DPYSL5: variants seen among roughly 807,000 people sequenced by gnomAD.
The protein encoded by DPYSL5 is dihydropyrimidinase like 5.
In DPYSL5, 9 loss-of-function variants were observed where a neutral mutation model predicts 58.4. The ratio of observed to expected loss-of-function variants is 0.15; its 90% CI spans 0.09 to 0.27. The LOEUF is 0.27. Among genes scored for constraint, DPYSL5 ranks in the 10% least tolerant of loss-of-function variants. The pLI, the probability that DPYSL5 is intolerant of heterozygous loss-of-function variation, is 1.00. For synonymous variants in DPYSL5, 293 were observed against 301.9 expected (o/e 0.97, Z 0.31); for missense variants, 499 against 770.6 (o/e 0.65, Z 4.17).
At position 26,942,201 on chromosome 2, in the gene DPYSL5, T is replaced by C. The variant is rs890710123; in HGVS notation, c.1232+109T>C. On this transcript the variant is annotated intron_variant, in intron 10 of 12. Coordinates refer to ENST00000288699, the MANE Select transcript of DPYSL5 (RefSeq NM_020134.4). This position sits in a 1 kb window ranked among gnomAD's most constrained non-coding sequence, Gnocchi z 5.9. ...ATTTTGCACTATTTCTAGCACAAAA[T>C]ATGGCCCTGGCCTACCGTTGGCCAT... 2.6e-6 allele frequency: 4 copies of C among 1,514,068 alleles called. No individual in the cohort carries two copies. The highest frequency in any genetic ancestry group is 3.6e-6 in the Non-Finnish European group (4 of 1,120,804). 93.8% of individuals were successfully genotyped at this position (1,514,068 alleles called of 1,614,324 possible).
Position 26,898,392 on chromosome 2 carries a change from T to C in DPYSL5, c.-4-104T>C. 6.7e-7 allele frequency: 1 copy of C among 1,501,134 alleles called. No individual in the cohort carries two copies. The highest frequency in any genetic ancestry group is 9.0e-7 in the Non-Finnish European group (1 of 1,107,848). 93.0% of individuals were successfully genotyped at this position (1,501,134 alleles called of 1,614,324 possible). A position where few individuals can be genotyped will look rare whatever the true frequency, so the allele number is the denominator to read the frequency against. The stretch of plus-strand genomic sequence containing the variant: ...GTAGGGGAAAGTTCCTCCTCTTCTC[T>C]GCTCACTTACCCTGACCATGGAATT... On this transcript the variant is annotated intron_variant, in intron 1 of 12. Coordinates refer to ENST00000288699, the MANE Select transcript of DPYSL5 (RefSeq NM_020134.4). The surrounding 1 kb of genome is among the most constrained non-coding windows in gnomAD (Gnocchi z 6.1).
chr2:26,870,051 T>C (rs903437144), intron 1 of DPYSL5, among the ~76,000 whole-genome samples: 1 of 152,162 alleles, frequency 6.6e-6, no homozygotes, highest in African/African-American at 2.4e-5. Flanking sequence ...TCTTTTTCCA[T>C]GTTTATTCTG....
chr2:26,895,726 C>T (rs1176641725), intron 1 of DPYSL5, among the ~76,000 whole-genome samples: 3 of 151,562 alleles, frequency 2.0e-5, no homozygotes, highest in Non-Finnish European at 4.4e-5. Context: ...CCCTTTACCC[C>T]AACTACTCCA....
intron 1 of DPYSL5, among the ~76,000 whole-genome samples, chr2:26,894,906 C>T (rs1311416680): frequency 1.3e-5 from 2 of 152,154 alleles, no homozygotes; most frequent in Non-Finnish European, 2.9e-5. Context: ...GAAGGGAGCT[C>T]TACAGAGGAG....
Position 26,925,034 on chromosome 2 carries a change from TG to T in DPYSL5, c.412del (p.Ala138HisfsTer4). ...CGCCCTCCACGTGGGGATCACCTGG[TG>T]GGCACCCAAGGTAACAGTGCTGGTG... The part of the protein sequence containing the change: ...DYALHVGITW[W>X]APKVKAEMET... On this transcript the variant is annotated frameshift_variant, in exon 3 of 13. Coordinates refer to ENST00000288699, the MANE Select transcript of DPYSL5 (RefSeq NM_020134.4). LOFTEE classifies it high-confidence loss of function. This position sits in a 1 kb window ranked among gnomAD's most constrained non-coding sequence, Gnocchi z 4.5. 6.2e-7 allele frequency: 1 copy of T among 1,614,030 alleles called. No individual in the cohort carries two copies. The highest frequency in any genetic ancestry group is 8.5e-7 in the Non-Finnish European group (1 of 1,179,962).
At chr2:26,848,016 T>C (rs1185368460), upstream of DPYSL5, 1 of 151,802 alleles carries the variant, frequency 6.6e-6, no homozygotes. Context: ...ACCTGCTAGC[T>C]GAGGTGGGGA....
intron 1 of DPYSL5, among the ~76,000 whole-genome samples, chr2:26,864,540 C>T (rs1666095008): frequency 6.6e-6 from 1 of 152,222 alleles, no homozygotes; most frequent in African/African-American, 2.4e-5. Context: ...GATGGAGGTG[C>T]TGGTCTTGAA....
intron 1 of DPYSL5, among the ~76,000 whole-genome samples, chr2:26,859,919 A>T (rs1467815955): frequency 6.6e-6 from 1 of 152,160 alleles, no homozygotes. Context: ...TCAGACCTGC[A>T]CCTATTTCCT....
At position 26,898,700 on chromosome 2, in the gene DPYSL5, C is replaced by G. The variant is rs1248917125; in HGVS notation, c.201C>G (p.Thr67=). 1 of 1,614,112 alleles carries G rather than the reference C, an allele frequency of 6.2e-7. No homozygotes were observed. The highest frequency in any genetic ancestry group is 8.5e-7 in the Non-Finnish European group (1 of 1,179,974). The change falls in exon 2 of 13, where the codon ACC becomes ACG. Residue 67 remains threonine (T), a synonymous_variant. Transcript: ENST00000288699. The surrounding 1 kb of genome is among the most constrained non-coding windows in gnomAD (Gnocchi z 6.1). ...LVIPGGIDTS[T]HFHQTFMNAT... ...TCCCTGGTGGCATCGACACCAGCACCCACTTCCACCAGACCTTCATGAATG... is the reference window on the plus strand; with the variant it reads ...TCCCTGGTGGCATCGACACCAGCACGCACTTCCACCAGACCTTCATGAATG...
At position 26,860,755 on chromosome 2, in the gene DPYSL5, T is replaced by C. The variant is rs538329719; in HGVS notation, c.-5+12501T>C. Among the ~76,000 whole-genome samples the C allele has an allele frequency of 2.2e-3, 338 of 152,296 alleles. 1 individual carries two copies. Among genetic ancestry groups the C allele is most frequent in the Admixed American group, 4.8e-3 (74 of 15,298 alleles). ...GTAGAACAATCTCTAATATATATCA[T>C]TGAATGGGAGGAAAACAATGCAGAA... On this transcript the variant is annotated intron_variant, in intron 1 of 12. Coordinates refer to ENST00000288699, the MANE Select transcript of DPYSL5 (RefSeq NM_020134.4).
chr2:26,890,353 C>CTT (rs1663845270), intron 1 of DPYSL5, among the ~76,000 whole-genome samples: 1 of 152,232 alleles, frequency 6.6e-6, no homozygotes, highest in African/African-American at 2.4e-5. Flanking sequence ...ATGTCCTAAA[C>CTT]TTTTAAGATT....
chr2:26,903,062 CTTTCTTTTTTTTTTT>C (rs1251127972), intron 2 of DPYSL5, among the ~76,000 whole-genome samples: 1 of 151,046 alleles, frequency 6.6e-6, no homozygotes, highest in African/African-American at 2.5e-5. Flanking sequence ...TATTCCTCTA[CTTTCTTTTTTTTTTT>C]TTTCTTTTTT....
At chr2:26,920,289 TC>T (rs1307768529) in intron 2 of DPYSL5, among the ~76,000 whole-genome samples, 1 of 152,260 alleles carries the variant, frequency 6.6e-6, no homozygotes, top group African/African-American at 2.4e-5. Flanking sequence ...TGTATTTTAC[TC>T]TGTTTGAAAT....
intron 2 of DPYSL5, among the ~76,000 whole-genome samples, chr2:26,907,612 G>A (rs1355641157): frequency 2.0e-5 from 3 of 151,756 alleles, no homozygotes; most frequent in Non-Finnish European, 4.4e-5. Context: ...CTCCCCACAC[G>A]CACCCATCCA....
Position 26,925,076 on chromosome 2 carries a change from G to C in DPYSL5, c.420+31G>C, listed in dbSNP as rs368542857. 1 of 1,608,850 alleles carries C rather than the reference G, an allele frequency of 6.2e-7. No homozygotes were observed. The highest frequency in any genetic ancestry group is 1.1e-5 in the South Asian group (1 of 90,416). On this transcript the variant is annotated intron_variant, in intron 3 of 12. Transcript: ENST00000288699. The surrounding 1 kb of genome is among the most constrained non-coding windows in gnomAD (Gnocchi z 4.5). ...AGTGCTGGTGGGATCCCAGAAGAAG[G>C]CACAAGTGGTCTTGTAGGCAGAGGG...
In DPYSL5 at chr2:26,934,721, A is replaced by G. The variant is rs1364290714; in HGVS notation, c.934A>G (p.Ser312Gly). 1.9e-6 allele frequency: 3 copies of G among 1,613,954 alleles called. No homozygotes were observed. The highest frequency in any genetic ancestry group is 3.3e-5 in the Admixed American group (2 of 59,998). ...LDTNTSTYLM[S>G]LLANDTLNIV... ...CACCAACACCTCAACCTACCTCATG[A>G]GCCTGCTGGCCAAGTAAGGCGTTTC... The change falls in exon 8 of 13, where the codon AGC (serine) becomes GGC (glycine). Residue 312 changes from serine to glycine, a missense_variant. Physicochemically the swap from Ser to Gly is moderately conservative, Grantham distance 56. Around this residue, in one of 3 missense-constraint regions of DPYSL5, gnomAD observed 404 missense variants for 647.6 expected, o/e 0.62. Transcript: ENST00000288699. The surrounding 1 kb of genome is among the most constrained non-coding windows in gnomAD (Gnocchi z 4.3).
At chr2:26,851,385 T>C (rs1665749978) in intron 1 of DPYSL5, among the ~76,000 whole-genome samples, 1 of 50,398 alleles carries the variant, frequency 2.0e-5, no homozygotes, top group African/African-American at 1.9e-4. Context: ...GTGCAAACAT[T>C]AGCAGGGTTG....
chr2:26,937,424 T>C (rs1354970891), intron 8 of DPYSL5, among the ~76,000 whole-genome samples: 1 of 152,152 alleles, frequency 6.6e-6, no homozygotes, highest in Non-Finnish European at 1.5e-5. Context: ...ATGATGACTA[T>C]AATTTTGCTT....
At chr2:26,886,206 G>A (rs1021260172) in intron 1 of DPYSL5, among the ~76,000 whole-genome samples, 3 of 152,334 alleles carry the variant, frequency 2.0e-5, no homozygotes, top group Non-Finnish European at 4.4e-5. Context: ...AAGTAGTCAC[G>A]GAGTGGAAAC....
Sources: allele counts gnomAD v4.1 joint callset (sites outside exome capture counted in the v4.1 genomes callset), GRCh38; gene constraint gnomAD v4.1.1; regional missense constraint gnomAD v4.1.1; non-coding constraint Gnocchi (gnomAD v3.1); transcripts MANE v1.5; gene names NCBI Gene and HGNC (gene_info 2026-07-23, HGNC 2026-07-21).